Variants in DLGAP2 observed in about 807,000 individuals in gnomAD.
DLGAP2 encodes DLG associated protein 2.
In DLGAP2, 26 loss-of-function variants were observed where a neutral mutation model predicts 100.3. That is an observed-to-expected ratio of 0.26 (90% CI 0.19 to 0.36). The LOEUF (loss-of-function observed/expected upper bound fraction) is 0.36, where lower values mean the gene tolerates loss of function less well. DLGAP2 is among the 10% of genes least tolerant of loss of function. The pLI is 1.00. For missense variants in DLGAP2, 1,858 were observed against 1,453.2 expected (o/e 1.28, Z -4.53); for synonymous variants, 886 against 630.1 (o/e 1.41, Z -6.08).
At chr8:1,021,897 C>T (rs1228607948) in intron 2 of DLGAP2, among the ~76,000 whole-genome samples, 2 of 152,240 alleles carry the variant, frequency 1.3e-5, no homozygotes, top group Non-Finnish European at 1.5e-5. Context: ...TGTTCCACGA[C>T]CATCTCCACC....
intron 4 of DLGAP2, among the ~76,000 whole-genome samples, chr8:1,517,320 C>T (rs552607467): frequency 1.3e-5 from 2 of 152,238 alleles, no homozygotes; most frequent in South Asian, 4.2e-4. Flanking sequence ...CAGACCTAGG[C>T]AGGGATGGAA....
intron 3 of DLGAP2, among the ~76,000 whole-genome samples, chr8:1,322,601 C>T (rs1166488125): frequency 6.6e-6 from 1 of 152,208 alleles, no homozygotes; most frequent in Non-Finnish European, 1.5e-5. Context: ...TGTGCGCCCA[C>T]CTGGCGTGCT....
At chr8:1,262,088 G>A (rs987943786) in intron 3 of DLGAP2, among the ~76,000 whole-genome samples, 1 of 152,216 alleles carries the variant, frequency 6.6e-6, no homozygotes, top group Non-Finnish European at 1.5e-5. Context: ...AGTTCTGTCT[G>A]TGAGAGCTAC....
intron 12 of DLGAP2, chr8:1,680,951 A>G (rs1356027035): frequency 6.6e-6 from 1 of 152,216 alleles, no homozygotes; most frequent in Non-Finnish European, 1.5e-5. Flanking sequence ...CCAGGATGAG[A>G]GCAGGTGATG....
intron 1 of DLGAP2, among the ~76,000 whole-genome samples, chr8:828,158 CACT>C (rs1796716901): frequency 1.3e-5 from 2 of 152,184 alleles, no homozygotes; most frequent in South Asian, 4.1e-4. Context: ...TTTTGGGCAC[CACT>C]GTCATTGATA....
intron 2 of DLGAP2, among the ~76,000 whole-genome samples, chr8:1,180,538 T>C (rs4268146): frequency 0.47 from 70,155 of 149,288 alleles, 18,414 homozygotes; most frequent in Admixed American, 0.61. Flanking sequence ...TGTTGTAATT[T>C]CACACAAGAA....
At chr8:1,322,758 A>G (rs1800935295) in intron 3 of DLGAP2, among the ~76,000 whole-genome samples, 1 of 152,218 alleles carries the variant, frequency 6.6e-6, no homozygotes, top group Admixed American at 6.5e-5. Context: ...GGAAACATAG[A>G]TCAGATCGGC....
intron 2 of DLGAP2, among the ~76,000 whole-genome samples, chr8:1,047,662 C>CTCCCACTGTG (rs1247046577): frequency 6.6e-6 from 1 of 152,002 alleles, no homozygotes; most frequent in African/African-American, 2.4e-5. Flanking sequence ...CCTAGATGGC[C>CTCCCACTGTG]TCCCACTGTG....
At chr8:1,478,498 C>T (rs1798998402) in intron 3 of DLGAP2, among the ~76,000 whole-genome samples, 1 of 152,214 alleles carries the variant, frequency 6.6e-6, no homozygotes, top group South Asian at 2.1e-4. Context: ...CACTCTTGCT[C>T]CACAAGGCCC....
chr8:802,295 C>T (rs1015518843), intron 1 of DLGAP2, among the ~76,000 whole-genome samples: 1 of 152,212 alleles, frequency 6.6e-6, no homozygotes, highest in African/African-American at 2.4e-5. Flanking sequence ...TGCACCCCTC[C>T]TGGGTCCTCT....
intron 2 of DLGAP2, among the ~76,000 whole-genome samples, chr8:1,135,351 A>G (rs73526568): frequency 0.014 from 2,132 of 152,314 alleles, 51 homozygotes; most frequent in African/African-American, 0.048. Context: ...AAGCAAAGCT[A>G]AGGACCCAGG....
chr8:1,087,125 A>G (rs1803999589), intron 2 of DLGAP2, among the ~76,000 whole-genome samples: 1 of 152,224 alleles, frequency 6.6e-6, no homozygotes. Flanking sequence ...TAAATAGATA[A>G]AAAAGTTAAA....
intron 2 of DLGAP2, among the ~76,000 whole-genome samples, chr8:1,151,004 T>A (rs1291283808): frequency 1.3e-5 from 2 of 152,256 alleles, no homozygotes; most frequent in East Asian, 3.8e-4. Context: ...CACACATACA[T>A]ACATATGTAA....
intron 2 of DLGAP2, among the ~76,000 whole-genome samples, chr8:918,733 T>C (rs1425703053): frequency 1.3e-5 from 2 of 152,184 alleles, no homozygotes; most frequent in Non-Finnish European, 2.9e-5. Context: ...TGTTCCATCC[T>C]TTTCTTTTAT....
chr8:1,010,963 G>A (rs1584972073), intron 2 of DLGAP2, among the ~76,000 whole-genome samples: 6 of 144,814 alleles, frequency 4.1e-5, no homozygotes, highest in Non-Finnish European at 8.8e-5. Flanking sequence ...CCGGGCGAGG[G>A]GCCTCAGTCT....
chr8:1,191,662 A>C (rs949881146), intron 2 of DLGAP2, among the ~76,000 whole-genome samples: 2 of 152,198 alleles, frequency 1.3e-5, no homozygotes, highest in Non-Finnish European at 2.9e-5. Context: ...CAAAGCTTCA[A>C]AACATTAGAA....
At chr8:1,528,873 G>A (rs1004533294) in intron 4 of DLGAP2, among the ~76,000 whole-genome samples, 1 of 150,864 alleles carries the variant, frequency 6.6e-6, no homozygotes, top group African/African-American at 2.4e-5. Context: ...GTGCTTCCAG[G>A]CAGAAAATAG....
At chr8:1,061,000 A>G (rs758595519) in intron 2 of DLGAP2, among the ~76,000 whole-genome samples, 58 of 152,228 alleles carry the variant, frequency 3.8e-4, no homozygotes, top group African/African-American at 1.3e-3. Flanking sequence ...TTGGTGAACC[A>G]TGGATACTTC....
chr8:1,652,210 G>A (rs975299265), intron 8 of DLGAP2, among the ~76,000 whole-genome samples: 1 of 152,210 alleles, frequency 6.6e-6, no homozygotes, highest in African/African-American at 2.4e-5. Context: ...CGCACACCGA[G>A]GTTCTTACGT....
Sources: gnomAD v4.1 joint callset for allele counts (sites outside exome capture counted in the v4.1 genomes callset) on GRCh38, gnomAD v4.1.1 for gene constraint, MANE v1.5 for transcripts, NCBI Gene and HGNC (gene_info 2026-07-23, HGNC 2026-07-21) for gene names.